AP2B1: variants seen among roughly 807,000 people sequenced by gnomAD.
AP2B1 encodes AP-2 complex subunit beta.
Under a neutral mutation model 102.0 loss-of-function variants are expected in AP2B1, and 23 were observed. The ratio of observed to expected loss-of-function variants is 0.23; its 90% CI spans 0.16 to 0.32. The LOEUF (loss-of-function observed/expected upper bound fraction) is 0.32, where lower values mean the gene tolerates loss of function less well. Among genes scored for constraint, AP2B1 ranks in the 10% least tolerant of loss-of-function variants. AP2B1 has a pLI of 1.00. For synonymous variants in AP2B1, 381 were observed against 421.2 expected (o/e 0.90, Z 1.17); for missense variants, 541 against 1,157.4 (o/e 0.47, Z 7.73).
At chr17:35,604,271 C>T (rs546937121) in intron 3 of AP2B1, among the ~76,000 whole-genome samples, 115 of 152,020 alleles carry the variant, frequency 7.6e-4, no homozygotes, top group Middle Eastern at 3.4e-3. Flanking sequence ...CCATGCCTGG[C>T]TAATTTTTAA....
intron 9 of AP2B1, 88 bp downstream of exon 9, chr17:35,627,814 C>A: frequency 1.8e-6 from 2 of 1,124,764 alleles, no homozygotes; most frequent in South Asian, 1.6e-5. Flanking sequence ...TTAAGTTTAT[C>A]AAAATAATAA....
chr17:35,661,870 CCTTTT>C (rs2075365202), intron 14 of AP2B1, among the ~76,000 whole-genome samples: 1 of 152,132 alleles, frequency 6.6e-6, no homozygotes, highest in Admixed American at 6.5e-5. Context: ...TGAGTTGTGA[CCTTTT>C]CTTATTAGGT....
intron 1 of AP2B1, among the ~76,000 whole-genome samples, chr17:35,591,171 C>CAAAAA (rs35271211): frequency 1.5e-5 from 1 of 68,924 alleles, no homozygotes; most frequent in Non-Finnish European, 3.0e-5. Flanking sequence ...GATTTTGTCT[C>CAAAAA]AAAAAAAAAA....
intron 10 of AP2B1, among the ~76,000 whole-genome samples, chr17:35,637,267 C>T (rs940957443): frequency 1.6e-4 from 24 of 152,270 alleles, no homozygotes; most frequent in Admixed American, 1.4e-3. Flanking sequence ...TCACTGCAAC[C>T]TCCGCCTCCC....
At chr17:35,592,348 T>A (rs934247971) in intron 1 of AP2B1, among the ~76,000 whole-genome samples, 1 of 151,974 alleles carries the variant, frequency 6.6e-6, no homozygotes, top group Non-Finnish European at 1.5e-5. Context: ...AAAAAATATA[T>A]GTATATTTAT....
intron 6 of AP2B1, 95 bp from the exon 7 acceptor site, chr17:35,626,526 A>T: frequency 2.9e-6 from 3 of 1,017,974 alleles, no homozygotes; most frequent in African/African-American, 1.6e-5. Flanking sequence ...TAATTTTTTG[A>T]TACTTGGCCA....
At chr17:35,605,590 G>T in intron 3 of AP2B1, 115 bp from the exon 4 acceptor site, 1 of 764,864 alleles carries the variant, frequency 1.3e-6, no homozygotes. Flanking sequence ...TTACCACTGT[G>T]GGGACATTTG....
rs113108836 is a variant in AP2B1 at position 35,624,605 on chromosome 17, G to C, written c.716+18G>C. 2.7e-3 allele frequency: 4,399 copies of C among 1,602,262 alleles called. 95 individuals are homozygous for C. In the African/African-American group the frequency reaches 0.051, roughly 19 times the overall value. ...GCTCAGAGGTCAGTCTGTTTTCCTG[G>C]CTACTTTCTGGTAGTCTTGCCTGAT... On this transcript the variant is annotated intron_variant, in intron 6 of 21. Coordinates refer to ENST00000610402, the MANE Select transcript of AP2B1 (RefSeq NM_001030006.2).
chr17:35,593,510 G>A (rs1390694597), intron 1 of AP2B1, among the ~76,000 whole-genome samples: 4 of 151,792 alleles, frequency 2.6e-5, no homozygotes, highest in African/African-American at 9.7e-5. Context: ...AAAGAATATT[G>A]TCCTACTAAT....
At chr17:35,589,874 T>C (rs896612065) in intron 1 of AP2B1, among the ~76,000 whole-genome samples, 2 of 152,046 alleles carry the variant, frequency 1.3e-5, no homozygotes, top group Non-Finnish European at 2.9e-5. Context: ...TCAGCAAATA[T>C]TAGATTTTTT....
intron 18 of AP2B1, among the ~76,000 whole-genome samples, chr17:35,700,512 T>C (rs2076220737): frequency 6.6e-6 from 1 of 152,190 alleles, no homozygotes; most frequent in Admixed American, 6.5e-5. Context: ...TGATATAATC[T>C]CAAAGGCGAG....
chr17:35,596,390 A>G (rs1368521692), intron 2 of AP2B1, among the ~76,000 whole-genome samples: 1 of 152,178 alleles, frequency 6.6e-6, no homozygotes, highest in Non-Finnish European at 1.5e-5. Flanking sequence ...ATTTTGGAAC[A>G]ATTTTTTTGC....
intron 18 of AP2B1, among the ~76,000 whole-genome samples, chr17:35,707,992 C>T (rs2076378027): frequency 6.6e-6 from 1 of 152,012 alleles, no homozygotes; most frequent in African/African-American, 2.4e-5. Context: ...AATACAGGCA[C>T]CATTTAAAGT....
chr17:35,695,520 T>C (rs2076124256), intron 18 of AP2B1, among the ~76,000 whole-genome samples: 1 of 152,114 alleles, frequency 6.6e-6, no homozygotes, highest in Non-Finnish European at 1.5e-5. Context: ...ACCACTGGCC[T>C]GTTCCATTCA....
intron 17 of AP2B1, among the ~76,000 whole-genome samples, chr17:35,674,662 G>A (rs531116264): frequency 1.3e-5 from 2 of 152,276 alleles, no homozygotes; most frequent in Admixed American, 6.5e-5. Flanking sequence ...CCGAGATTAC[G>A]CCAATGCACT....
intron 18 of AP2B1, among the ~76,000 whole-genome samples, chr17:35,707,557 A>G (rs1342139241): frequency 6.7e-6 from 1 of 149,442 alleles, no homozygotes; most frequent in Non-Finnish European, 1.5e-5. Context: ...AGTTCAAGCT[A>G]TTCTCCCACC....
chr17:35,654,199 C>G (rs1159123383), intron 13 of AP2B1, among the ~76,000 whole-genome samples: 1 of 151,900 alleles, frequency 6.6e-6, no homozygotes, highest in African/African-American at 2.4e-5. Flanking sequence ...GTGGCTGGGA[C>G]TACAGCTGCC....
intron 10 of AP2B1, among the ~76,000 whole-genome samples, chr17:35,639,154 C>G (rs1032854742): frequency 6.6e-6 from 1 of 152,052 alleles, no homozygotes; most frequent in Non-Finnish European, 1.5e-5. Flanking sequence ...CATAGCAAGA[C>G]CCCCATCTCT....
chr17:35,710,264 A>G lies in AP2B1; in HGVS notation c.2570A>G (p.Asp857Gly), dbSNP rs1555586863. 1 of 1,613,872 alleles carries G rather than the reference A, an allele frequency of 6.2e-7. No individual in the cohort carries two copies. Among genetic ancestry groups the G allele is most frequent in the East Asian group, 2.2e-5 (1 of 44,882 alleles). The stretch of plus-strand genomic sequence containing the variant: ...CAGGTCTTCCTTGCAACATGGAAGG[A>G]TATTCCCAATGAAAATGAACTTCAG... ...ERQVFLATWK[D>G]IPNENELQFQ... The change falls in exon 20 of 22, where the codon GAT becomes GGT. Residue 857 changes from aspartate to glycine, a missense_variant. By Grantham distance (94) the Asp-to-Gly change is moderately conservative (BLOSUM62 -1). Around this residue, in one of 10 missense-constraint regions of AP2B1, gnomAD observed 117 missense variants for 206.7 expected, o/e 0.57. Coordinates refer to ENST00000610402, the MANE Select transcript of AP2B1 (RefSeq NM_001030006.2).
Sources: gnomAD v4.1 joint callset for allele counts (sites outside exome capture counted in the v4.1 genomes callset) on GRCh38, gnomAD v4.1.1 for gene constraint, gnomAD v4.1.1 regional missense constraint, MANE v1.5 for transcripts, NCBI Gene and HGNC (gene_info 2026-07-23, HGNC 2026-07-21) for gene names.